C16orf96: variants seen among roughly 807,000 people sequenced by gnomAD.
C16orf96 encodes uncharacterized protein C16orf96.
In C16orf96, 108 loss-of-function variants were observed where a neutral mutation model predicts 103.6. The observed-to-expected ratio is 1.04, with a 90% CI of 0.89 to 1.22. C16orf96 has a LOEUF of 1.22. Among genes scored for constraint, C16orf96 ranks in the 50% most tolerant of loss-of-function variants. The probability of loss-of-function intolerance (pLI) is 0.00; values close to 1 mark genes in which losing one functional copy is unlikely to be tolerated. For synonymous variants in C16orf96, 566 were observed against 593.5 expected (o/e 0.95, Z 0.67); for missense variants, 1,586 against 1,464.2 (o/e 1.08, Z -1.36).
intron 10 of C16orf96, 145 bp from the exon 11 acceptor site, chr16:4,592,160 T>C: frequency 2.2e-6 from 2 of 917,090 alleles, no homozygotes; most frequent in Non-Finnish European, 3.3e-6. Flanking sequence ...ACCACAAGAG[T>C]GGTTGGAGAC....
Position 4,576,347 on chromosome 16 carries a change from G to A in C16orf96, c.1867G>A (p.Val623Ile), listed in dbSNP as rs1344073100. ...AAGPLGVFAD[V>I]LGAGPSRGAT... is the part of the protein sequence containing the mutation. ...TGGGCCCCTAGGGGTCTTTGCAGAT[G>A]TCCTGGGTGCAGGGCCTTCCCGGGG... Residue 623 changes from valine to isoleucine, a missense_variant, in exon 5 of 16, where the codon GTC becomes ATC. Physicochemically the swap from Val to Ile is conservative, Grantham distance 29. Transcript: ENST00000444310. The A allele has an allele frequency of 1.9e-6, 3 of 1,550,850 alleles. No homozygotes were observed. The East Asian group carries it at 7.3e-5, about 38-fold the overall frequency.
the C16orf96 span, among the ~76,000 whole-genome samples, chr16:4,550,950 C>A: frequency 2.0e-5 from 3 of 152,212 alleles, no homozygotes; most frequent in Non-Finnish European, 2.9e-5. Flanking sequence ...TTGTTTGAAT[C>A]ATTGCAGATT....
chr16:4,547,007 C>G, the C16orf96 span, among the ~76,000 whole-genome samples: 1 of 151,716 alleles, frequency 6.6e-6, no homozygotes, highest in Non-Finnish European at 1.5e-5. Flanking sequence ...CCTGGCAGGT[C>G]TGTAACTCCT....
At chr16:4,543,432 A>T in the C16orf96 span, among the ~76,000 whole-genome samples, 1 of 152,092 alleles carries the variant, frequency 6.6e-6, no homozygotes, top group Non-Finnish European at 1.5e-5. Flanking sequence ...GGGTGATGTA[A>T]TGTTGAGAAT....
At chr16:4,582,540 G>C (rs1177855048) in intron 7 of C16orf96, among the ~76,000 whole-genome samples, 3 of 152,122 alleles carry the variant, frequency 2.0e-5, no homozygotes, top group Non-Finnish European at 4.4e-5. Context: ...CCTATGAAGT[G>C]GGGGTGGACA....
chr16:4,548,682 G>A, the C16orf96 span, among the ~76,000 whole-genome samples: 2 of 152,092 alleles, frequency 1.3e-5, no homozygotes, highest in African/African-American at 4.8e-5. Flanking sequence ...AGACCAGCCT[G>A]GCCAACATGG....
At chr16:4,571,362 C>A (rs1010250240) in intron 1 of C16orf96, among the ~76,000 whole-genome samples, 199 bp from the exon 2 acceptor site, 3 of 152,202 alleles carry the variant, frequency 2.0e-5, no homozygotes, top group Non-Finnish European at 2.9e-5. Flanking sequence ...GAGTTGCCTC[C>A]TTCTCATCCA....
At chr16:4,539,330 C>T in the C16orf96 span, among the ~76,000 whole-genome samples, 3 of 152,160 alleles carry the variant, frequency 2.0e-5, no homozygotes, top group African/African-American at 7.2e-5. Context: ...AACAAACCCC[C>T]TTGTTGCCTG....
intron 5 of C16orf96, 69 bp from the exon 6 acceptor site, chr16:4,578,871 A>C (rs1296391277): frequency 1.6e-6 from 2 of 1,220,092 alleles, no homozygotes; most frequent in Admixed American, 4.0e-5. Flanking sequence ...TAAGAGAAGC[A>C]GCTAGAGCCC....
At chr16:4,555,487 C>G (rs139901923), upstream of C16orf96, among the ~76,000 whole-genome samples, 213 of 151,834 alleles carry the variant, frequency 1.4e-3, 2 homozygotes, top group East Asian at 0.032. Flanking sequence ...AATTCTCTGC[C>G]TCAGCCTCCA....
At chr16:4,556,122 T>C (rs1022188803), upstream of C16orf96, among the ~76,000 whole-genome samples, 2 of 152,180 alleles carry the variant, frequency 1.3e-5, no homozygotes, top group African/African-American at 4.8e-5. Flanking sequence ...CCCTTCCATA[T>C]GTGCTTCTAG....
At chr16:4,584,275 A>T (rs1431539549) in intron 7 of C16orf96, among the ~76,000 whole-genome samples, 1 of 83,834 alleles carries the variant, frequency 1.2e-5, no homozygotes, top group Non-Finnish European at 3.2e-5. Flanking sequence ...GCAGCCTTGA[A>T]CTCCCAGGCT....
chr16:4,553,524 G>C (rs1287433061), upstream of C16orf96, among the ~76,000 whole-genome samples: 1 of 152,134 alleles, frequency 6.6e-6, no homozygotes, highest in Non-Finnish European at 1.5e-5. Context: ...ATTTTTTAGA[G>C]ATGGGGTTTC....
chr16:4,558,672 C>T (rs987029232), intron 1 of C16orf96, among the ~76,000 whole-genome samples: 3 of 151,460 alleles, frequency 2.0e-5, no homozygotes, highest in Admixed American at 6.6e-5. Flanking sequence ...CCCAGCATTT[C>T]GGGAGGCCAA....
rs1394910115 is a variant in C16orf96 at position 4,576,573 on chromosome 16, ACT to A, written c.2098_2099del (p.Leu700GlufsTer10). 15 of 1,551,242 alleles carry A rather than the reference ACT, an allele frequency of 9.7e-6. No individual in the cohort carries two copies. Among genetic ancestry groups the A allele is most frequent in the Middle Eastern group, 1.7e-4 (1 of 6,014 alleles). ...ATAGCCCAGATACCTGTCAAACACG[ACT>A]CTCTGAAGGAAGAATTTGCCCAGCT... On this transcript the variant is annotated frameshift_variant, in exon 5 of 16. Transcript: ENST00000444310. LOFTEE classifies it high-confidence loss of function.
At chr16:4,598,763 C>T (rs914402483) in intron 14 of C16orf96, among the ~76,000 whole-genome samples, 5 of 152,160 alleles carry the variant, frequency 3.3e-5, no homozygotes, top group African/African-American at 1.2e-4. Flanking sequence ...TCCTCTCTGG[C>T]CTAGAGTTAC....
intron 2 of C16orf96, among the ~76,000 whole-genome samples, chr16:4,573,031 T>C (rs970943896): frequency 1.3e-5 from 2 of 152,194 alleles, no homozygotes; most frequent in Non-Finnish European, 2.9e-5. Context: ...TCATGGCAAC[T>C]GTGGGAGCTT....
intron 7 of C16orf96, among the ~76,000 whole-genome samples, chr16:4,586,238 C>T (rs372268138): frequency 5.3e-5 from 8 of 152,076 alleles, no homozygotes; most frequent in East Asian, 1.9e-4. Context: ...CCAGCCTGGG[C>T]GACAGAGCAG....
At chr16:4,595,497 C>A (rs913655924) in intron 14 of C16orf96, among the ~76,000 whole-genome samples, 2 of 152,208 alleles carry the variant, frequency 1.3e-5, no homozygotes, top group Admixed American at 1.3e-4. Flanking sequence ...CCCCAAGACT[C>A]TGGAGTCCAT....
Sources: allele counts gnomAD v4.1 joint callset (sites outside exome capture counted in the v4.1 genomes callset), GRCh38; gene constraint gnomAD v4.1.1; transcripts MANE v1.5; gene names NCBI Gene and HGNC (gene_info 2026-07-23, HGNC 2026-07-21).